ERMP1: variants seen among roughly 807,000 people sequenced by gnomAD.
ERMP1 encodes the protein Felix-ina.
Under a neutral mutation model 92.0 loss-of-function variants are expected in ERMP1, and 86 were observed. The ratio of observed to expected loss-of-function variants is 0.93; its 90% CI spans 0.79 to 1.12. The LOEUF (loss-of-function observed/expected upper bound fraction) is 1.12. ERMP1 is among the 50% of genes most tolerant of loss of function. The pLI, the probability that ERMP1 is intolerant of heterozygous loss-of-function variation, is 0.00. For synonymous variants in ERMP1, 530 were observed against 412.8 expected, an observed-to-expected ratio of 1.28 and a Z score of -3.44; for missense variants, 1,342 against 1,116.3, an observed-to-expected ratio of 1.20 and a Z score of -2.88.
chr9:5,794,419 A>C (rs1373412265), intron 13 of ERMP1, among the ~76,000 whole-genome samples: 1 of 152,094 alleles, frequency 6.6e-6, no homozygotes, highest in African/African-American at 2.4e-5. Context: ...AACAGAAGAA[A>C]TAACTAGAAC....
chr9:5,805,523 C>A, intron 9 of ERMP1, 88 bp downstream of exon 9: 3 of 1,187,774 alleles, frequency 2.5e-6, no homozygotes, highest in Admixed American at 2.9e-5. Flanking sequence ...GAAAGCCTAC[C>A]CAATAAAACC....
intron 2 of ERMP1, among the ~76,000 whole-genome samples, chr9:5,827,709 A>T (rs1416118076): frequency 1.3e-5 from 2 of 152,090 alleles, no homozygotes; most frequent in South Asian, 2.1e-4. Context: ...ACAAAAAAAT[A>T]GCGAGGCTGA....
Position 5,813,124 on chromosome 9 carries a change from AGTG to A in ERMP1, c.875-92_875-90del, listed in dbSNP as rs1258030693. The A allele has an allele frequency of 1.0e-5, 15 of 1,459,424 alleles. No homozygotes were observed. The East Asian group carries it at 3.0e-4, about 29-fold the overall frequency. The allele number at this position is 1,459,424 out of a possible 1,614,324, so 90.4% of individuals were successfully genotyped here. On this transcript the variant is annotated intron_variant, in intron 4 of 14. Coordinates refer to ENST00000339450, the MANE Select transcript of ERMP1 (RefSeq NM_024896.3). ...TTTTCAACACATAGAAAACAGTAAA[AGTG>A]GTGGTTTTGGGAGACGGGTCCAATA...
Position 5,785,542 on chromosome 9 carries a change from T to C in ERMP1, c.*1602A>G, listed in dbSNP as rs921404479. The C allele has an allele frequency of 1.3e-5, 2 of 152,446 alleles. No homozygotes were observed. The highest frequency in any genetic ancestry group is 4.8e-5 in the African/African-American group (2 of 41,460). The allele number at this position is 152,446 out of a possible 1,614,324, so 9.4% of individuals were successfully genotyped here. On this transcript the variant is annotated 3_prime_UTR_variant, in exon 15 of 15. Transcript: ENST00000339450. ...GTGAGCCTAACATGTTATTCAGCTC[T>C]GGTTGCAGCCCCATCTACATGGGCC...
chr9:5,811,259 C>G lies in ERMP1; in HGVS notation c.1179G>C (p.Lys393Asn). The change falls in exon 7 of 15, where the codon AAG becomes AAC. Residue 393 changes from lysine (K) to asparagine (N), a missense_variant. Lys to Asn is a moderately conservative substitution (Grantham distance 94, BLOSUM62 0). Coordinates refer to ENST00000339450, the MANE Select transcript of ERMP1 (RefSeq NM_024896.3). ...ATSDMLAAAS[K>N]YRHGNMVFFD... is the part of the protein sequence containing the mutation. ...AGAAGACCATGTTTCCATGTCGATACTTAGAAGCAGCAGCCAGCATATCAG... is the reference window on the plus strand; with the variant it reads ...AGAAGACCATGTTTCCATGTCGATAGTTAGAAGCAGCAGCCAGCATATCAG... 1 of 1,613,280 alleles carries G rather than the reference C, an allele frequency of 6.2e-7. No individual in the cohort carries two copies. The highest frequency in any genetic ancestry group is 2.2e-5 in the East Asian group (1 of 44,844).
intron 5 of ERMP1, among the ~76,000 whole-genome samples, chr9:5,862,059 T>A (rs1830513361): frequency 6.6e-6 from 1 of 152,150 alleles, no homozygotes; most frequent in Non-Finnish European, 1.5e-5. Flanking sequence ...AGACAGGGTC[T>A]CCTTCTGTCA....
At chr9:5,797,219 T>A (rs903300214) in intron 13 of ERMP1, among the ~76,000 whole-genome samples, 3 of 151,846 alleles carry the variant, frequency 2.0e-5, no homozygotes, top group South Asian at 4.2e-4. Context: ...TTTTTTTTAA[T>A]TTTGTAGAGA....
At position 5,830,708 on chromosome 9, in the gene ERMP1, C is replaced by A. The variant is rs758250757; in HGVS notation, c.640+19G>T. On this transcript the variant is annotated intron_variant, in intron 2 of 14. Transcript: ENST00000339450. ...CTGGGCTGTGACAAGTTCCAAATGA[C>A]TAAAAAACAGGTACATACCTGGTGA... 6.3e-7 allele frequency: 1 copy of A among 1,580,312 alleles called. No individual in the cohort carries two copies. Among genetic ancestry groups the A allele is most frequent in the Non-Finnish European group, 8.6e-7 (1 of 1,161,314 alleles).
At chr9:5,848,635 A>AT (rs1203115487) in intron 6 of ERMP1, among the ~76,000 whole-genome samples, 5 of 152,258 alleles carry the variant, frequency 3.3e-5, no homozygotes, top group East Asian at 3.9e-4. Context: ...GGAACTAATT[A>AT]TTTTTTAATG....
In ERMP1 at chr9:5,838,406, G is replaced by A. The variant is rs192380947; in HGVS notation, n.3200-5094C>T. ...AAAATACCAAAAAAATTAGCTGGGT[G>A]TGGTGGTGCATGTCTATACTCCCGT... On this transcript the variant is annotated intron_variant and non_coding_transcript_variant, in intron 6 of 6. Coordinates refer to the ERMP1 transcript ENST00000690753. 1.3e-4 allele frequency among the ~76,000 whole-genome samples: 20 copies of A among 152,156 alleles called. 1 individual carries two copies. In the East Asian group the frequency reaches 3.9e-3, roughly 29 times the overall value.
At chr9:5,861,439 T>A (rs1242998869) in intron 5 of ERMP1, among the ~76,000 whole-genome samples, 3 of 152,076 alleles carry the variant, frequency 2.0e-5, no homozygotes, top group Non-Finnish European at 4.4e-5. Flanking sequence ...TTTATTGAGG[T>A]ATTCAGTACC....
At chr9:5,857,395 G>A (rs1830391009) in intron 6 of ERMP1, among the ~76,000 whole-genome samples, 1 of 152,130 alleles carries the variant, frequency 6.6e-6, no homozygotes, top group Non-Finnish European at 1.5e-5. Flanking sequence ...GGCTGGGCAC[G>A]TGCACATCCA....
intron 5 of ERMP1, among the ~76,000 whole-genome samples, chr9:5,862,346 T>C (rs1248930018): frequency 6.6e-6 from 1 of 151,950 alleles, no homozygotes; most frequent in African/African-American, 2.4e-5. Flanking sequence ...TATTTATTTA[T>C]TTTAGAGACA....
At chr9:5,787,334 C>G (rs765318157) in intron 14 of ERMP1, 26 bp from the exon 15 acceptor site, 2 of 1,607,296 alleles carry the variant, frequency 1.2e-6, no homozygotes, top group African/African-American at 2.7e-5. Flanking sequence ...AATTAGTTCT[C>G]CAGTTCTCAG....
At chr9:5,853,386 C>T (rs1007015446) in intron 6 of ERMP1, among the ~76,000 whole-genome samples, 3 of 152,146 alleles carry the variant, frequency 2.0e-5, no homozygotes, top group African/African-American at 4.8e-5. Flanking sequence ...TCCCCTTCAC[C>T]ATGTCACTTA....
At chr9:5,819,522 G>C (rs1563765488) in intron 4 of ERMP1, among the ~76,000 whole-genome samples, 3 of 152,186 alleles carry the variant, frequency 2.0e-5, no homozygotes, top group East Asian at 3.8e-4. Flanking sequence ...TGCCACCCTT[G>C]TTATTGATCC....
intron 13 of ERMP1, among the ~76,000 whole-genome samples, chr9:5,788,434 A>G (rs1388619096): frequency 6.6e-6 from 1 of 152,208 alleles, no homozygotes; most frequent in Non-Finnish European, 1.5e-5. Context: ...AAGGAAGAGG[A>G]ATCCTTTGGC....
intron 4 of ERMP1, among the ~76,000 whole-genome samples, chr9:5,815,057 T>C (rs948148539): frequency 2.6e-5 from 4 of 152,080 alleles, no homozygotes; most frequent in Non-Finnish European, 5.9e-5. Flanking sequence ...AATACACAAA[T>C]GTGAGTAATT....
intron 2 of ERMP1, among the ~76,000 whole-genome samples, chr9:5,826,953 G>A (rs774081645): frequency 9.9e-5 from 15 of 152,142 alleles, no homozygotes; most frequent in South Asian, 2.1e-4. Flanking sequence ...TTTAAGAAAG[G>A]GAAGGAAAGT....
Sources: allele counts gnomAD v4.1 joint callset (sites outside exome capture counted in the v4.1 genomes callset), GRCh38; gene constraint gnomAD v4.1.1; transcripts MANE v1.5; gene names NCBI Gene and HGNC (gene_info 2026-07-23, HGNC 2026-07-21).